NECTIN2: variants seen among roughly 807,000 people sequenced by gnomAD.
NECTIN2 encodes the protein nectin-2.
Under a neutral mutation model 56.9 loss-of-function variants are expected in NECTIN2, and 23 were observed. The ratio of observed to expected loss-of-function variants is 0.40; its 90% confidence interval spans 0.29 to 0.57. The LOEUF is 0.57. Among genes scored for constraint, NECTIN2 ranks in the 20% least tolerant of loss-of-function variants. The pLI, the probability that NECTIN2 is intolerant of heterozygous loss-of-function variation, is 0.38. For synonymous variants in NECTIN2, 302 were observed against 313.8 expected, an observed-to-expected ratio of 0.96 and a Z score of 0.40; for missense variants, 587 against 718.3, an observed-to-expected ratio of 0.82 and a Z score of 2.09.
At chr19:44,857,697 G>C (rs575867010) in intron 1 of NECTIN2, among the ~76,000 whole-genome samples, 1 of 146,818 alleles carries the variant, frequency 6.8e-6, no homozygotes, top group East Asian at 2.0e-4. Context: ...CCATCGTGCC[G>C]GGTTTTTGTT....
chr19:44,886,450 G>A (rs980962788), intron 8 of NECTIN2, among the ~76,000 whole-genome samples: 3 of 152,240 alleles, frequency 2.0e-5, no homozygotes, highest in African/African-American at 7.2e-5. Context: ...GCTGGGCACG[G>A]TGGCTCACGC....
chr19:44,878,792 T>C (rs1969274465), intron 5 of NECTIN2: 22 of 1,407,646 alleles, frequency 1.6e-5, no homozygotes, highest in Middle Eastern at 2.5e-4. Flanking sequence ...ACTGGACTTC[T>C]CCCGTCTCTA....
chr19:44,866,908 C>T (rs930233282), intron 2 of NECTIN2, among the ~76,000 whole-genome samples: 2 of 152,108 alleles, frequency 1.3e-5, no homozygotes, highest in African/African-American at 2.4e-5. Context: ...TGCTGTGGCT[C>T]ACGCCCATAA....
In NECTIN2 at chr19:44,886,158, C is replaced by T. The variant is rs1969358892; in HGVS notation, c.1286C>T (p.Ala429Val). The T allele has an allele frequency of 8.1e-6, 13 of 1,613,226 alleles. No homozygotes were observed. Among genetic ancestry groups the T allele is most frequent in the Non-Finnish European group, 1.1e-5 (13 of 1,179,772 alleles). The change falls in exon 8 of 9, where the codon GCC becomes GTC. Residue 429 changes from alanine to valine, a missense_variant. Transcript: ENST00000252483. ...EMPSQLFTLG[A>V]SEHSPLKTPY... The stretch of plus-strand genomic sequence containing the variant: ...CCCTCCCAGCTCTTCACTCTGGGGG[C>T]CTCGGAGCACAGCCCACTCAAGACC...
chr19:44,869,989 G>A (rs1969153770), intron 2 of NECTIN2, among the ~76,000 whole-genome samples: 1 of 152,060 alleles, frequency 6.6e-6, no homozygotes, highest in South Asian at 2.1e-4. Context: ...AACCTCAAGA[G>A]CTTCCGTATA....
Position 44,885,579 on chromosome 19 carries a change from T to C in NECTIN2, c.1197-358T>C, listed in dbSNP as rs1349191362. On this transcript the variant is annotated intron_variant, in intron 6 of 8. Coordinates refer to ENST00000252483, the MANE Select transcript of NECTIN2 (RefSeq NM_001042724.2). ...CGCCCGCCTCAGCCTCCCAAAGTGCTGGGATTACAGGCGTGAGCCACTGCC... is the reference window on the plus strand; with the variant it reads ...CGCCCGCCTCAGCCTCCCAAAGTGCCGGGATTACAGGCGTGAGCCACTGCC... Among the ~76,000 whole-genome samples, 3 of 152,338 alleles carry C rather than the reference T, an allele frequency of 2.0e-5. No homozygotes were observed. The East Asian group carries it at 5.8e-4, about 29-fold the overall frequency.
chr19:44,878,362 TGGA>T (rs1969266274), intron 5 of NECTIN2: 2 of 1,552,284 alleles, frequency 1.3e-6, no homozygotes, highest in Non-Finnish European at 1.7e-6. Flanking sequence ...GGAAGAGCCC[TGGA>T]GGAGCAGGAG....
chr19:44,850,463 G>A (rs1405996939), intron 1 of NECTIN2, among the ~76,000 whole-genome samples: 7 of 152,026 alleles, frequency 4.6e-5, no homozygotes, highest in Non-Finnish European at 1.0e-4. Context: ...TGGGCAACAC[G>A]GCGAAACCCT....
intron 1 of NECTIN2, among the ~76,000 whole-genome samples, chr19:44,858,669 GTCTC>G (rs1968998047): frequency 6.6e-6 from 1 of 151,326 alleles, no homozygotes; most frequent in African/African-American, 2.4e-5. Flanking sequence ...CCGAGACCGA[GTCTC>G]TCTCTGTCAC....
At position 44,888,411 on chromosome 19, in the gene NECTIN2, C is replaced by A; in HGVS notation, c.*32C>A. ...ATGCGCCTGGCGTCTCACATCTCAC[C>A]TGTTGATCCCTTAGCTTTCTTGCCA... On this transcript the variant is annotated 3_prime_UTR_variant, in exon 9 of 9. Coordinates refer to ENST00000252483, the MANE Select transcript of NECTIN2 (RefSeq NM_001042724.2). The A allele has an allele frequency of 6.3e-7, 1 of 1,592,672 alleles. No individual in the cohort carries two copies. The highest frequency in any genetic ancestry group is 2.2e-5 in the East Asian group (1 of 44,476).
intron 5 of NECTIN2, among the ~76,000 whole-genome samples, chr19:44,881,765 A>G (rs1412280981): frequency 2.6e-5 from 4 of 152,090 alleles, no homozygotes; most frequent in Non-Finnish European, 4.4e-5. Flanking sequence ...AGACACTCTC[A>G]TGACTCATCC....
At chr19:44,862,186 C>T (rs1969038394) in intron 1 of NECTIN2, among the ~76,000 whole-genome samples, 1 of 152,174 alleles carries the variant, frequency 6.6e-6, no homozygotes, top group African/African-American at 2.4e-5. Context: ...GAGGCCGAGG[C>T]GGCGGATCAC....
rs1969356185 is a variant in NECTIN2, at chr19:44,885,957, A to G, written c.1217A>G (p.Tyr406Cys). ...EDEDLEGPPS[Y>C]KPPTPKAKLE... ...CACAGCCTGGAGGGACCTCCCTCCT[A>G]CAAGCCACCGACCCCAAAAGCGAAG... The change falls in exon 7 of 9, where the codon TAC becomes TGC. Residue 406 changes from tyrosine (Y) to cysteine (C), a missense_variant. Physicochemically the swap from Tyr to Cys is radical, Grantham distance 194. Coordinates refer to ENST00000252483, the MANE Select transcript of NECTIN2 (RefSeq NM_001042724.2). 6.3e-7 allele frequency: 1 copy of G among 1,597,704 alleles called. No individual in the cohort carries two copies. The highest frequency in any genetic ancestry group is 8.6e-7 in the Non-Finnish European group (1 of 1,165,254).
intron 1 of NECTIN2, among the ~76,000 whole-genome samples, chr19:44,863,562 ATAATTT>A (rs1969058438): frequency 6.6e-6 from 1 of 151,276 alleles, no homozygotes; most frequent in Non-Finnish European, 1.5e-5. Flanking sequence ...TAAAAATATA[ATAATTT>A]TAAAATTTTT....
intron 6 of NECTIN2, among the ~76,000 whole-genome samples, chr19:44,884,648 T>C (rs1969340855): frequency 6.6e-6 from 1 of 152,150 alleles, no homozygotes; most frequent in Non-Finnish European, 1.5e-5. Flanking sequence ...GACAAAACTG[T>C]CTCCAGATAG....
intron 3 of NECTIN2, 25 bp downstream of exon 3, chr19:44,872,174 C>T (rs759568332): frequency 8.1e-6 from 13 of 1,602,084 alleles, no homozygotes; most frequent in Admixed American, 1.7e-5. Context: ...GGTGACCCCT[C>T]CCCCATCAAA....
At chr19:44,872,451 G>C (rs928451227) in intron 3 of NECTIN2, among the ~76,000 whole-genome samples, 2 of 152,130 alleles carry the variant, frequency 1.3e-5, no homozygotes, top group South Asian at 2.1e-4. Flanking sequence ...AAGTCTTCTC[G>C]GTAGCTTGAA....
At chr19:44,886,028 A>G in intron 7 of NECTIN2, 28 bp downstream of exon 7, 1 of 1,584,760 alleles carries the variant, frequency 6.3e-7, no homozygotes, top group South Asian at 1.1e-5. Flanking sequence ...AGCCCAAGCT[A>G]TCCCCACCTC....
intron 1 of NECTIN2, 24 bp downstream of exon 1, chr19:44,846,637 G>T: frequency 6.6e-7 from 1 of 1,519,244 alleles, no homozygotes. Flanking sequence ...ACGGCCCCCT[G>T]CCCTCGCGCG....
Sources: allele counts gnomAD v4.1 joint callset (sites outside exome capture counted in the v4.1 genomes callset), GRCh38; gene constraint gnomAD v4.1.1; transcripts MANE v1.5; gene names NCBI Gene and HGNC (gene_info 2026-07-23, HGNC 2026-07-21).